RCAN2: variants seen among roughly 807,000 people sequenced by gnomAD.
RCAN2 encodes the protein regulator of calcineurin 2, also known as calcipressin-2.
A neutral mutation model predicts 23.6 loss-of-function variants in RCAN2; 9 were observed. The observed-to-expected ratio is 0.38, with a 90% CI of 0.23 to 0.67. RCAN2 has a LOEUF of 0.67. RCAN2 is among the 30% of genes least tolerant of loss of function. The probability of loss-of-function intolerance (pLI) is 0.51; values close to 1 mark genes in which losing one functional copy is unlikely to be tolerated. For missense variants in RCAN2, 273 were observed against 302.3 expected (o/e 0.90, Z 0.72); for synonymous variants, 109 against 115.7 (o/e 0.94, Z 0.37).
chr6:46,464,737 C>T (rs918394753), intron 1 of RCAN2, among the ~76,000 whole-genome samples: 1 of 152,150 alleles, frequency 6.6e-6, no homozygotes, highest in East Asian at 1.9e-4. Flanking sequence ...TTGAAAGTAT[C>T]AGGAACATGC....
At chr6:46,243,579 GGC>G (rs1561823631) in intron 4 of RCAN2, among the ~76,000 whole-genome samples, 1 of 152,048 alleles carries the variant, frequency 6.6e-6, no homozygotes, top group African/African-American at 2.4e-5. Context: ...GGGAGACTGA[GGC>G]GGGTGGATCA....
chr6:46,408,183 G>A (rs1766454057), intron 2 of RCAN2, among the ~76,000 whole-genome samples: 2 of 152,098 alleles, frequency 1.3e-5, no homozygotes, highest in Non-Finnish European at 2.9e-5. Context: ...AAAGTCCTTC[G>A]ACAATGCTCC....
chr6:46,466,724 C>T (rs538274326), intron 1 of RCAN2, among the ~76,000 whole-genome samples: 114 of 152,304 alleles, frequency 7.5e-4, no homozygotes, highest in South Asian at 2.3e-3. Flanking sequence ...TGACAGACTT[C>T]CTATCTAGAC....
intron 2 of RCAN2, among the ~76,000 whole-genome samples, chr6:46,340,758 G>T (rs1764291706): frequency 6.6e-6 from 1 of 152,212 alleles, no homozygotes; most frequent in South Asian, 2.1e-4. Flanking sequence ...TACAGCAGAT[G>T]TATGTACATG....
chr6:46,422,720 C>A (rs1292911641), intron 2 of RCAN2, among the ~76,000 whole-genome samples: 1 of 152,036 alleles, frequency 6.6e-6, no homozygotes, highest in Non-Finnish European at 1.5e-5. Flanking sequence ...GCTATGGGAA[C>A]AATCCATTCT....
intron 2 of RCAN2, among the ~76,000 whole-genome samples, chr6:46,440,761 GA>G (rs922975639): frequency 2.0e-5 from 3 of 152,138 alleles, no homozygotes; most frequent in African/African-American, 7.2e-5. Context: ...CTCATAGTGA[GA>G]AAAAAATACC....
chr6:46,313,741 T>A (rs1401636806), intron 2 of RCAN2, among the ~76,000 whole-genome samples: 1 of 152,218 alleles, frequency 6.6e-6, no homozygotes, highest in Non-Finnish European at 1.5e-5. Context: ...AATTTCTCAT[T>A]GAGAGAATCA....
intron 1 of RCAN2, among the ~76,000 whole-genome samples, chr6:46,477,280 A>C (rs558042930): frequency 1.3e-5 from 2 of 152,242 alleles, no homozygotes; most frequent in Admixed American, 1.3e-4. Context: ...GGGGCAAAAC[A>C]TAAGAGCTGA....
chr6:46,425,021 G>T (rs1019713370), intron 2 of RCAN2, among the ~76,000 whole-genome samples: 1 of 152,118 alleles, frequency 6.6e-6, no homozygotes, highest in African/African-American at 2.4e-5. Context: ...TAATGATCTT[G>T]ACAGAGAAAA....
intron 2 of RCAN2, among the ~76,000 whole-genome samples, chr6:46,443,577 C>T (rs1435646271): frequency 6.6e-6 from 1 of 152,040 alleles, no homozygotes; most frequent in East Asian, 1.9e-4. Context: ...AATAAATCTG[C>T]TTAAGACACT....
intron 2 of RCAN2, among the ~76,000 whole-genome samples, chr6:46,413,336 G>T (rs1766600287): frequency 6.6e-6 from 1 of 152,156 alleles, no homozygotes; most frequent in African/African-American, 2.4e-5. Flanking sequence ...TAATTAGTTG[G>T]TATTTAAATC....
intron 2 of RCAN2, among the ~76,000 whole-genome samples, chr6:46,321,398 A>G (rs1001623932): frequency 6.6e-6 from 1 of 152,252 alleles, no homozygotes; most frequent in Non-Finnish European, 1.5e-5. Flanking sequence ...TAAATGCTCC[A>G]CACATGTTTT....
chr6:46,248,630 C>A (rs1582028340), intron 3 of RCAN2, 93 bp downstream of exon 3: 1 of 1,036,462 alleles, frequency 9.6e-7, no homozygotes, highest in Non-Finnish European at 1.4e-6. Flanking sequence ...GACTACCAAC[C>A]AATCTGAAAA....
At chr6:46,487,530 G>T (rs1769027132) in intron 1 of RCAN2, among the ~76,000 whole-genome samples, 1 of 152,210 alleles carries the variant, frequency 6.6e-6, no homozygotes, top group Admixed American at 6.5e-5. Context: ...AGACGGACTT[G>T]TATGTGGTGC....
At chr6:46,411,093 A>G (rs1184999517) in intron 2 of RCAN2, among the ~76,000 whole-genome samples, 4 of 152,270 alleles carry the variant, frequency 2.6e-5, no homozygotes, top group Non-Finnish European at 5.9e-5. Flanking sequence ...AAGATCATAT[A>G]GAATAGCCGA....
Position 46,403,131 on chromosome 6 carries a change from A to AT in RCAN2, c.225+53620dup, listed in dbSNP as rs527367675. 6.3e-3 allele frequency among the ~76,000 whole-genome samples: 957 copies of AT among 151,942 alleles called. 12 individuals carry two copies. The highest frequency in any genetic ancestry group is 0.022 in the African/African-American group (929 of 41,474). ...AGGCGCCCGCCACCACACCCAGCTA[A>AT]TTTTTTTGTATTTTTAGTAGAGACG... On this transcript the variant is annotated intron_variant, in intron 2 of 4. Coordinates refer to ENST00000371374, the MANE Select transcript of RCAN2 (RefSeq NM_001251974.2).
At chr6:46,260,647 G>C (rs112918794) in intron 2 of RCAN2, among the ~76,000 whole-genome samples, 1 of 152,150 alleles carries the variant, frequency 6.6e-6, no homozygotes, top group Non-Finnish European at 1.5e-5. Flanking sequence ...CTCTCATTAC[G>C]TGAACCCAGG....
chr6:46,488,135 C>T (rs1317185589), intron 1 of RCAN2, among the ~76,000 whole-genome samples: 1 of 152,166 alleles, frequency 6.6e-6, no homozygotes, highest in Admixed American at 6.5e-5. Flanking sequence ...GGGCAAAAAA[C>T]ACATTCCAGG....
intron 1 of RCAN2, among the ~76,000 whole-genome samples, chr6:46,477,694 G>A (rs910412804): frequency 1.3e-5 from 2 of 152,060 alleles, no homozygotes; most frequent in Non-Finnish European, 2.9e-5. Flanking sequence ...TAAAAATAAC[G>A]TCGTTACCAA....
Sources: gnomAD v4.1 joint callset for allele counts (sites outside exome capture counted in the v4.1 genomes callset) on GRCh38, gnomAD v4.1.1 for gene constraint, MANE v1.5 for transcripts, NCBI Gene and HGNC (gene_info 2026-07-23, HGNC 2026-07-21) for gene names.